Variants in EFHC2 observed in about 807,000 individuals in gnomAD.
EFHC2 encodes EF-hand domain containing 2, also known as EF-hand domain-containing family member C2.
EFHC2 carries 18 observed loss-of-function variants against 52.7 expected under a neutral mutation model. The ratio of observed to expected loss-of-function variants is 0.34; its 90% confidence interval spans 0.24 to 0.51. The LOEUF is 0.51. Ranked by LOEUF, EFHC2 falls within the 20% of genes least tolerant of loss-of-function variation. The pLI, the probability that EFHC2 is intolerant of heterozygous loss-of-function variation, is 0.97. For missense variants in EFHC2, 513 were observed against 562.5 expected (o/e 0.91, Z 0.89); for synonymous variants, 203 against 204.1 (o/e 0.99, Z 0.04).
At chrX:44,248,758 A>C in intron 6 of EFHC2, 45 bp downstream of exon 6, 1 of 1,082,656 alleles carries the variant, frequency 9.2e-7, no homozygotes, top group Non-Finnish European at 1.3e-6. Flanking sequence ...TCAGGTTCCA[A>C]AGAAGTCACA....
intron 2 of EFHC2, among the ~76,000 whole-genome samples, chrX:44,304,490 A>C (rs973278597): frequency 4.5e-5 from 5 of 111,741 alleles, no homozygotes; most frequent in African/African-American, 1.6e-4. Context: ...TTCTTCATTT[A>C]TATGATGAGG....
chrX:44,221,431 T>G (rs547112803), intron 11 of EFHC2, among the ~76,000 whole-genome samples: 2 of 112,192 alleles, frequency 1.8e-5, no homozygotes, highest in African/African-American at 6.5e-5. Context: ...TCCATACTTA[T>G]ACGAAAGTTC....
chrX:44,250,327 A>G lies in EFHC2; in HGVS notation c.725T>C (p.Met242Thr), dbSNP rs752358837. The change falls in exon 5 of 15, where the codon ATG becomes ACG. Residue 242 changes from methionine (M) to threonine (T), a missense_variant. Coordinates refer to ENST00000420999, the MANE Select transcript of EFHC2 (RefSeq NM_025184.4). ...FFCLWDDSVS[M>T]FGDRRELILH... ...GATGAGTTCTCTACGGTCTCCAAACATTGAGACTGAGTCATCCCACAGGCA... is the reference window on the plus strand; with the variant it reads ...GATGAGTTCTCTACGGTCTCCAAACGTTGAGACTGAGTCATCCCACAGGCA... The G allele has an allele frequency of 1.7e-6, 2 of 1,209,515 alleles. No individual in the cohort carries two copies. The highest frequency in any genetic ancestry group is 2.2e-6 in the Non-Finnish European group (2 of 895,011).
chrX:44,261,666 C>T (rs1316174454), intron 3 of EFHC2, among the ~76,000 whole-genome samples: 1 of 104,510 alleles, frequency 9.6e-6, no homozygotes, highest in Non-Finnish European at 1.9e-5. Context: ...TGCTCACATT[C>T]AGCCACCAGC....
chrX:44,309,993 T>C (rs2037934506), intron 2 of EFHC2: 2 of 990,631 alleles, frequency 2.0e-6, no homozygotes, highest in African/African-American at 1.9e-5. Flanking sequence ...TTGGAAGCCA[T>C]AGAAACAGCG....
chrX:44,333,178 G>A (rs992396851), intron 1 of EFHC2, among the ~76,000 whole-genome samples: 7 of 111,596 alleles, frequency 6.3e-5, no homozygotes, highest in Non-Finnish European at 1.1e-4. Flanking sequence ...GGACTGCCAC[G>A]ATCACACATA....
chrX:44,251,670 C>CTTCTTTAATA (rs1268420499), intron 4 of EFHC2, among the ~76,000 whole-genome samples: 1 of 62,794 alleles, frequency 1.6e-5, no homozygotes, highest in Non-Finnish European at 3.1e-5. Context: ...AAAAACTATA[C>CTTCTTTAATA]TTCTTTAATA....
chrX:44,291,922 C>T (rs1327730363), intron 2 of EFHC2, among the ~76,000 whole-genome samples: 1 of 111,785 alleles, frequency 8.9e-6, no homozygotes, highest in Non-Finnish European at 1.9e-5. Flanking sequence ...AATTAAAAAA[C>T]ACTTGATATT....
chrX:44,334,942 G>A (rs2038107808), intron 1 of EFHC2, among the ~76,000 whole-genome samples: 1 of 108,480 alleles, frequency 9.2e-6, no homozygotes, highest in African/African-American at 3.4e-5. Context: ...CAACATTATT[G>A]GATAACAAAA....
chrX:44,286,850 CA>C (rs1266196679), intron 2 of EFHC2, among the ~76,000 whole-genome samples: 7 of 86,374 alleles, frequency 8.1e-5, no homozygotes, highest in African/African-American at 1.3e-4. Context: ...CTCGTCTCTA[CA>C]AAAAAAAAAT....
At chrX:44,163,094 C>A (rs2036669959) in intron 14 of EFHC2, among the ~76,000 whole-genome samples, 1 of 112,338 alleles carries the variant, frequency 8.9e-6, no homozygotes, top group Non-Finnish European at 1.9e-5. Context: ...ACTACTTTCC[C>A]CCAACCATCT....
intron 3 of EFHC2, among the ~76,000 whole-genome samples, chrX:44,266,299 G>A (rs889447397): frequency 1.8e-5 from 2 of 111,043 alleles, no homozygotes; most frequent in Non-Finnish European, 3.8e-5. Context: ...TTAAAATATA[G>A]GCTGCTCAGT....
intron 2 of EFHC2, among the ~76,000 whole-genome samples, chrX:44,274,625 G>A (rs1210287503): frequency 8.9e-6 from 1 of 112,072 alleles, no homozygotes; most frequent in Non-Finnish European, 1.9e-5. Context: ...AAAAGTAGGG[G>A]GAGGGAGCTG....
At chrX:44,266,579 C>A (rs2037579923) in intron 3 of EFHC2, among the ~76,000 whole-genome samples, 1 of 110,681 alleles carries the variant, frequency 9.0e-6, no homozygotes, top group Non-Finnish European at 1.9e-5. Context: ...AAGTTATCAG[C>A]CCGCCTCTGC....
chrX:44,215,613 T>C (rs2037140361), intron 11 of EFHC2, among the ~76,000 whole-genome samples: 1 of 110,234 alleles, frequency 9.1e-6, no homozygotes, highest in Non-Finnish European at 1.9e-5. Flanking sequence ...GTTACACAAC[T>C]CTAGGAAGGC....
chrX:44,252,231 C>T (rs1237981617), intron 4 of EFHC2, among the ~76,000 whole-genome samples: 1 of 111,768 alleles, frequency 8.9e-6, no homozygotes, highest in Non-Finnish European at 1.9e-5. Context: ...TTTGCACTTT[C>T]GCAGCCCTGT....
At chrX:44,230,361 T>A (rs1289754699) in intron 10 of EFHC2, among the ~76,000 whole-genome samples, 1 of 111,597 alleles carries the variant, frequency 9.0e-6, no homozygotes, top group Non-Finnish European at 1.9e-5. Context: ...CAGTGAAACA[T>A]AAGGTCGTAA....
intron 1 of EFHC2, among the ~76,000 whole-genome samples, chrX:44,336,915 C>A (rs952560169): frequency 1.8e-5 from 2 of 111,082 alleles, no homozygotes; most frequent in African/African-American, 6.5e-5. Context: ...ATATTTAAGC[C>A]CAATCATGTC....
intron 11 of EFHC2, among the ~76,000 whole-genome samples, chrX:44,223,880 C>T (rs1047460066): frequency 2.7e-5 from 3 of 111,189 alleles, no homozygotes; most frequent in African/African-American, 9.8e-5. Flanking sequence ...AGATTGCTTA[C>T]AATAAAAAAC....
Sources: gnomAD v4.1 joint callset for allele counts (sites outside exome capture counted in the v4.1 genomes callset) on GRCh38, gnomAD v4.1.1 for gene constraint, MANE v1.5 for transcripts, NCBI Gene and HGNC (gene_info 2026-07-23, HGNC 2026-07-21) for gene names.